The following PNKD variants were observed in gnomAD, a reference collection of about 807,000 sequenced individuals.
PNKD encodes the protein PNKD metallo-beta-lactamase domain containing.
PNKD carries 36 observed loss-of-function variants against 45.3 expected under a neutral mutation model. The ratio of observed to expected loss-of-function variants is 0.80; its 90% CI spans 0.61 to 1.05. The LOEUF is 1.05. Ranked by LOEUF, PNKD falls within the 50% of genes least tolerant of loss-of-function variation. PNKD has a pLI of 0.00. For synonymous variants in PNKD, 197 were observed against 210.1 expected (o/e 0.94, Z 0.54); for missense variants, 511 against 506.6 (o/e 1.01, Z -0.08).
chr2:218,323,038 G>A, intron 2 of PNKD: 2 of 397,206 alleles, frequency 5.0e-6, no homozygotes, highest in Middle Eastern at 6.6e-4. Context: ...CCCGCCTCCT[G>A]GCCGCCAGCC....
At chr2:218,334,881 T>C (rs1694442895) in intron 2 of PNKD, 2 of 632,390 alleles carry the variant, frequency 3.2e-6, no homozygotes, top group South Asian at 1.9e-5. Flanking sequence ...TTTCTCATCA[T>C]ACTTGGGTGA....
At chr2:218,324,835 T>C in intron 2 of PNKD, among the ~76,000 whole-genome samples, 1 of 151,318 alleles carries the variant, frequency 6.6e-6, no homozygotes, top group South Asian at 2.1e-4. Flanking sequence ...CTCAGGAGGC[T>C]GAGGCAGGAA....
chr2:218,303,173 C>T (rs1693316469), intron 2 of PNKD, among the ~76,000 whole-genome samples: 1 of 152,116 alleles, frequency 6.6e-6, no homozygotes. Flanking sequence ...AACTCCTGGC[C>T]TCAGTGATCT....
At chr2:218,287,833 C>T (rs1692641022) in intron 2 of PNKD, among the ~76,000 whole-genome samples, 1 of 152,130 alleles carries the variant, frequency 6.6e-6, no homozygotes, top group Admixed American at 6.5e-5. Flanking sequence ...GCTCCAAGCT[C>T]CCAGGAGGGA....
chr2:218,311,649 T>C (rs987142822), intron 2 of PNKD, among the ~76,000 whole-genome samples: 4 of 152,166 alleles, frequency 2.6e-5, no homozygotes, highest in Admixed American at 2.6e-4. Flanking sequence ...CCTCCAGCCA[T>C]AGGACGGTTT....
intron 2 of PNKD, among the ~76,000 whole-genome samples, chr2:218,323,983 T>C (rs1159500640): frequency 6.6e-6 from 1 of 152,242 alleles, no homozygotes; most frequent in East Asian, 1.9e-4. Flanking sequence ...GATTCCAGTA[T>C]GTCCCTTTCC....
chr2:218,292,143 G>A lies in PNKD; in HGVS notation c.236+20594G>A, dbSNP rs555769180. Among the ~76,000 whole-genome samples, 4 of 152,318 alleles carry A rather than the reference G, an allele frequency of 2.6e-5. No homozygotes were observed. In the East Asian group the frequency reaches 7.7e-4, roughly 29 times the overall value. ...TGGTGGATAGGCCCTGCGACAGAGAGGCCACTCGTGCCCGAAAGAGGGAAC... is the reference window on the plus strand; with the variant it reads ...TGGTGGATAGGCCCTGCGACAGAGAAGCCACTCGTGCCCGAAAGAGGGAAC... On this transcript the variant is annotated intron_variant, in intron 2 of 9. Transcript: ENST00000273077.
chr2:218,276,030 G>A lies in PNKD; in HGVS notation c.236+4481G>A, dbSNP rs201500641. 7.2e-5 allele frequency: 116 copies of A among 1,612,140 alleles called. 1 individual carries two copies. The South Asian group carries it at 1.0e-3, about 14-fold the overall frequency. ...TAGAGTGGGGCTGGGACTTACCAGG[G>A]TGAAACAAATGGCCCCCAGAGCAGC... On this transcript the variant is annotated intron_variant, in intron 2 of 9. Transcript: ENST00000273077.
At chr2:218,281,879 C>T in intron 2 of PNKD, 1 of 1,347,308 alleles carries the variant, frequency 7.4e-7, no homozygotes, top group East Asian at 2.6e-5. Flanking sequence ...GAGGCGGTGG[C>T]CTCATCTGCT....
intron 2 of PNKD, chr2:218,272,791 A>C: frequency 6.2e-7 from 1 of 1,613,756 alleles, no homozygotes; most frequent in Non-Finnish European, 8.5e-7. Flanking sequence ...TAGGCTATTG[A>C]CTGTTAAGTC....
At position 218,319,760 on chromosome 2, in the gene PNKD, C is replaced by A. The variant is rs200126674; in HGVS notation, c.237-20023C>A. Among the ~76,000 whole-genome samples, 12 of 152,366 alleles carry A rather than the reference C, an allele frequency of 7.9e-5. No individual in the cohort carries two copies. In the East Asian group the frequency reaches 2.3e-3, roughly 29 times the overall value. On this transcript the variant is annotated intron_variant, in intron 2 of 9. Transcript: ENST00000273077. ...AACATTCCTCCCCACACAGTTGTGA[C>A]CATCAAAAATGTCCCCAGACATTGC... is the stretch of plus-strand genomic sequence containing the variant.
intron 2 of PNKD, among the ~76,000 whole-genome samples, chr2:218,295,021 C>T (rs1260311837): frequency 6.6e-6 from 1 of 152,190 alleles, no homozygotes; most frequent in Non-Finnish European, 1.5e-5. Context: ...CCAGCAATCA[C>T]CAGCGACTCA....
At chr2:218,271,315 C>T (rs1690821096) in intron 1 of PNKD, 66 bp from the exon 2 acceptor site, 4 of 1,387,782 alleles carry the variant, frequency 2.9e-6, no homozygotes, top group Admixed American at 1.7e-5. Flanking sequence ...GCCCTTACTG[C>T]CCCCCACCTC....
At chr2:218,329,705 C>T (rs1453489988) in intron 2 of PNKD, among the ~76,000 whole-genome samples, 1 of 152,260 alleles carries the variant, frequency 6.6e-6, no homozygotes, top group East Asian at 1.9e-4. Flanking sequence ...ATGCGGAAGT[C>T]CCCACGCCCC....
chr2:218,344,317 T>G, intron 8 of PNKD, 138 bp from the exon 9 acceptor site: 1 of 696,424 alleles, frequency 1.4e-6, no homozygotes, highest in Non-Finnish European at 2.7e-6. Flanking sequence ...CTCCTGGCAG[T>G]TGGGGTTTTC....
chr2:218,277,921 C>T (rs887578493), intron 2 of PNKD: 5 of 1,614,140 alleles, frequency 3.1e-6, no homozygotes, highest in South Asian at 1.1e-5. Flanking sequence ...CTCCTGCCAC[C>T]CTTCTAGACT....
chr2:218,279,475 G>C, intron 2 of PNKD: 1 of 819,694 alleles, frequency 1.2e-6, no homozygotes. Context: ...CTGGCCCAGA[G>C]GCGACCCCAG....
At chr2:218,283,675 G>A (rs888568344) in intron 2 of PNKD, among the ~76,000 whole-genome samples, 1 of 152,174 alleles carries the variant, frequency 6.6e-6, no homozygotes, top group Non-Finnish European at 1.5e-5. Flanking sequence ...TGCATAGTTC[G>A]GGGATCAAAT....
At chr2:218,274,825 C>G (rs571839302) in intron 2 of PNKD, 2 of 153,748 alleles carry the variant, frequency 1.3e-5, no homozygotes, top group African/African-American at 4.8e-5. Flanking sequence ...CCATGCTGGC[C>G]TGTATAGGTT....
Sources: allele counts gnomAD v4.1 joint callset (sites outside exome capture counted in the v4.1 genomes callset), GRCh38; gene constraint gnomAD v4.1.1; transcripts MANE v1.5; gene names NCBI Gene and HGNC (gene_info 2026-07-23, HGNC 2026-07-21).